The following GALNT17 variants were observed in gnomAD, a reference collection of about 807,000 sequenced individuals.
GALNT17 encodes the protein polypeptide N-acetylgalactosaminyltransferase 17, also known as UDP-GalNAc:polypeptide N-acetylgalactosaminyltransferase-like 3.
In GALNT17, 29 loss-of-function variants were observed where a neutral mutation model predicts 63.7. The ratio of observed to expected loss-of-function variants is 0.46; its 90% confidence interval spans 0.34 to 0.62. The LOEUF is 0.62. Ranked by LOEUF, GALNT17 falls within the 20% of genes least tolerant of loss-of-function variation. The probability of loss-of-function intolerance (pLI) is 0.01; values close to 1 mark genes in which losing one functional copy is unlikely to be tolerated. For missense variants in GALNT17, 603 were observed against 799.6 expected, an observed-to-expected ratio of 0.75 and a Z score of 2.97; for synonymous variants, 305 against 318.3, an observed-to-expected ratio of 0.96 and a Z score of 0.45.
chr7:71,327,076 T>C (rs952129217), intron 1 of GALNT17, among the ~76,000 whole-genome samples: 5 of 152,260 alleles, frequency 3.3e-5, no homozygotes. Context: ...TTCATCCATC[T>C]ACCTAACAGT....
chr7:71,157,607 G>A (rs949168798), intron 1 of GALNT17, among the ~76,000 whole-genome samples: 2 of 151,846 alleles, frequency 1.3e-5, no homozygotes, highest in South Asian at 2.1e-4. Context: ...GCAGCGAGCC[G>A]AGATTGCGCC....
chr7:71,428,118 A>T (rs1786793156), intron 5 of GALNT17, among the ~76,000 whole-genome samples: 1 of 152,106 alleles, frequency 6.6e-6, no homozygotes, highest in Non-Finnish European at 1.5e-5. Flanking sequence ...TTACCATTTT[A>T]TCCATTGTAA....
intron 9 of GALNT17, among the ~76,000 whole-genome samples, chr7:71,696,985 G>A (rs755668397): frequency 2.0e-5 from 3 of 152,064 alleles, no homozygotes; most frequent in Non-Finnish European, 2.9e-5. Flanking sequence ...ATCTGGGTGG[G>A]GGCTATATGG....
intron 1 of GALNT17, among the ~76,000 whole-genome samples, chr7:71,310,734 G>A (rs1173641697): frequency 6.6e-6 from 1 of 152,222 alleles, no homozygotes; most frequent in South Asian, 2.1e-4. Flanking sequence ...CTTTTCAGAA[G>A]ACTTTCCTTT....
intron 3 of GALNT17, among the ~76,000 whole-genome samples, chr7:71,406,618 T>G (rs1161178359): frequency 6.6e-6 from 1 of 152,176 alleles, no homozygotes; most frequent in African/African-American, 2.4e-5. Context: ...TTTAAAACTT[T>G]GTCTAATAAT....
chr7:71,473,853 C>G (rs1787681615), intron 5 of GALNT17, among the ~76,000 whole-genome samples: 1 of 152,042 alleles, frequency 6.6e-6, no homozygotes, highest in African/African-American at 2.4e-5. Context: ...GATCCAGATC[C>G]CAAGAGAGGG....
chr7:71,213,183 A>G (rs1789413467), intron 1 of GALNT17, among the ~76,000 whole-genome samples: 1 of 152,078 alleles, frequency 6.6e-6, no homozygotes. Flanking sequence ...TTCCTGTGCT[A>G]TTCTCATGAT....
intron 1 of GALNT17, among the ~76,000 whole-genome samples, chr7:71,163,876 T>C (rs1294274946): frequency 2.0e-5 from 3 of 152,238 alleles, no homozygotes; most frequent in East Asian, 3.9e-4. Context: ...CAGCACATTT[T>C]AGAATCTCAT....
chr7:71,178,286 A>G (rs1007201242), intron 1 of GALNT17, among the ~76,000 whole-genome samples: 1 of 151,836 alleles, frequency 6.6e-6, no homozygotes, highest in Non-Finnish European at 1.5e-5. Flanking sequence ...CATTTGTATT[A>G]TTGTTCCCCT....
chr7:71,370,088 G>A (rs369958070), intron 2 of GALNT17, among the ~76,000 whole-genome samples: 20 of 152,222 alleles, frequency 1.3e-4, no homozygotes, highest in African/African-American at 4.1e-4. Context: ...TAGAGAGTTC[G>A]GCTTCTTAAT....
chr7:71,487,844 G>T (rs1377290482), intron 5 of GALNT17, among the ~76,000 whole-genome samples: 1 of 152,038 alleles, frequency 6.6e-6, no homozygotes, highest in Non-Finnish European at 1.5e-5. Context: ...TTGTGAAATT[G>T]CCCCACATAT....
At chr7:71,452,267 C>T (rs1377776743) in intron 5 of GALNT17, among the ~76,000 whole-genome samples, 1 of 149,632 alleles carries the variant, frequency 6.7e-6, no homozygotes, top group East Asian at 2.0e-4. Flanking sequence ...ATTTTAGGGC[C>T]AGGTGTGGTG....
At chr7:71,696,762 T>A (rs957771380) in intron 9 of GALNT17, among the ~76,000 whole-genome samples, 1 of 152,172 alleles carries the variant, frequency 6.6e-6, no homozygotes, top group Non-Finnish European at 1.5e-5. Context: ...ATAATGACGT[T>A]CATTTCTCCT....
intron 5 of GALNT17, among the ~76,000 whole-genome samples, chr7:71,441,240 C>G (rs1787061757): frequency 1.3e-5 from 2 of 152,078 alleles, no homozygotes; most frequent in African/African-American, 4.8e-5. Context: ...CCAGTCTGAT[C>G]TCTATCTCTT....
intron 6 of GALNT17, among the ~76,000 whole-genome samples, chr7:71,649,108 G>T (rs972415018): frequency 3.9e-5 from 6 of 152,130 alleles, no homozygotes; most frequent in Admixed American, 3.9e-4. Context: ...CAGCCCACCT[G>T]CCCTGACCTT....
At chr7:71,330,506 T>C (rs544001572) in intron 1 of GALNT17, among the ~76,000 whole-genome samples, 1 of 152,316 alleles carries the variant, frequency 6.6e-6, no homozygotes, top group Admixed American at 6.5e-5. Flanking sequence ...CAAGCAATCC[T>C]ACCTCCTCAG....
intron 3 of GALNT17, among the ~76,000 whole-genome samples, chr7:71,390,217 T>C (rs949695877): frequency 2.6e-5 from 4 of 152,150 alleles, no homozygotes; most frequent in Non-Finnish European, 2.9e-5. Context: ...TGCTCCGTCG[T>C]CCGGAAGATG....
intron 1 of GALNT17, among the ~76,000 whole-genome samples, chr7:71,267,367 G>GTTTTTTTTTTTTTTTTTTTT (rs11297482): frequency 1.4e-5 from 2 of 146,348 alleles, no homozygotes; most frequent in Non-Finnish European, 3.0e-5. Flanking sequence ...GGATTTTCTA[G>GTTTTTTTTTTTTTTTTTTTT]TTTTTTTTTT....
intron 5 of GALNT17, among the ~76,000 whole-genome samples, chr7:71,472,671 T>G (rs1202014446): frequency 1.3e-5 from 2 of 152,184 alleles, no homozygotes; most frequent in Non-Finnish European, 2.9e-5. Flanking sequence ...GGGGACAGAG[T>G]GAGACTTTGT....
Sources: allele counts gnomAD v4.1 joint callset (sites outside exome capture counted in the v4.1 genomes callset), GRCh38; gene constraint gnomAD v4.1.1; transcripts MANE v1.5; gene names NCBI Gene and HGNC (gene_info 2026-07-23, HGNC 2026-07-21).